The following USP30 variants were observed in gnomAD, a reference collection of about 807,000 sequenced individuals.
The protein encoded by USP30 is ubiquitin carboxyl-terminal hydrolase 30.
A neutral mutation model predicts 68.2 loss-of-function variants in USP30; 41 were observed. The ratio of observed to expected loss-of-function variants is 0.60; its 90% confidence interval spans 0.47 to 0.78. The LOEUF is 0.78. Ranked by LOEUF, USP30 falls within the 30% of genes least tolerant of loss-of-function variation. The pLI is 0.00. For missense variants in USP30, 522 were observed against 649.4 expected, an observed-to-expected ratio of 0.80 and a Z score of 2.13; for synonymous variants, 229 against 253.7, an observed-to-expected ratio of 0.90 and a Z score of 0.93.
At chr12:109,068,981 G>T (rs1203851559) in intron 4 of USP30, among the ~76,000 whole-genome samples, 1 of 152,214 alleles carries the variant, frequency 6.6e-6, no homozygotes, top group Non-Finnish European at 1.5e-5. Flanking sequence ...GATGCATTGG[G>T]CCAAAGGCTT....
intron 3 of USP30, among the ~76,000 whole-genome samples, chr12:109,046,397 G>C (rs2040605296): frequency 6.7e-6 from 1 of 148,800 alleles, no homozygotes; most frequent in Non-Finnish European, 1.5e-5. Context: ...ACGGGCGTGA[G>C]CCATTGCACC....
At chr12:109,036,133 T>C (rs1163636351) in intron 3 of USP30, among the ~76,000 whole-genome samples, 3 of 152,182 alleles carry the variant, frequency 2.0e-5, no homozygotes, top group Non-Finnish European at 4.4e-5. Flanking sequence ...GCACTTAAGC[T>C]TGGGTGATAG....
rs544582315 is a variant in USP30 at position 109,034,118 on chromosome 12, G to A, written c.-136+6562G>A. ...AAAAACAGCTCAACGTGTCTGAGTCGTTGTTTTCAAAGGAATAGTGGTCTT... is the reference window on the plus strand; with the variant it reads ...AAAAACAGCTCAACGTGTCTGAGTCATTGTTTTCAAAGGAATAGTGGTCTT... On this transcript the variant is annotated intron_variant, in intron 3 of 15. Coordinates refer to the USP30 transcript ENST00000392784. 1.2e-3 allele frequency among the ~76,000 whole-genome samples: 185 copies of A among 152,320 alleles called. 3 individuals carry two copies. The South Asian group carries it at 0.022, about 18-fold the overall frequency.
intron 3 of USP30, among the ~76,000 whole-genome samples, chr12:109,061,798 T>C (rs921372482): frequency 6.6e-6 from 1 of 152,200 alleles, no homozygotes; most frequent in Non-Finnish European, 1.5e-5. Flanking sequence ...CAAAGTCCCC[T>C]TTATCAATAC....
At chr12:109,042,686 G>A (rs1024261926) in intron 3 of USP30, among the ~76,000 whole-genome samples, 3 of 152,102 alleles carry the variant, frequency 2.0e-5, no homozygotes, top group Admixed American at 6.6e-5. Flanking sequence ...TCTAAAATCA[G>A]GAACAAGATA....
intron 3 of USP30, among the ~76,000 whole-genome samples, chr12:109,067,261 C>T (rs1458221257): frequency 6.7e-6 from 1 of 149,008 alleles, no homozygotes; most frequent in Admixed American, 6.9e-5. Flanking sequence ...CTACAGGCAC[C>T]CACCACCACG....
rs1566082355 is a variant in USP30, at chr12:109,052,637, C to T, written c.-42C>T. ...TCCCTCGGTCCGGCGGCGGCGGCGG[C>T]GGTAGCGGAGGAGACGGTTTCAGGC... On this transcript the variant is annotated 5_prime_UTR_variant, in exon 1 of 13. Coordinates refer to ENST00000257548, the MANE Select transcript of USP30 (RefSeq NM_032663.5). 16 of 1,449,834 alleles carry T rather than the reference C, an allele frequency of 1.1e-5. No homozygotes were observed. The highest frequency in any genetic ancestry group is 5.4e-5 in the South Asian group (4 of 74,096). The allele number at this position is 1,449,834 out of a possible 1,614,324, so 89.8% of individuals were successfully genotyped here. A position where few individuals can be genotyped will look rare whatever the true frequency, so the allele number is the denominator to read the frequency against.
chr12:109,037,979 GAATATCTGATTCCTC>G (rs981182992), intron 3 of USP30, among the ~76,000 whole-genome samples: 1 of 152,098 alleles, frequency 6.6e-6, no homozygotes, highest in African/African-American at 2.4e-5. Flanking sequence ...CAAAGCCCCT[GAATATCTGATTCCTC>G]AGATTTTCTT....
chr12:109,048,217 C>T (rs1362545452), upstream of USP30, among the ~76,000 whole-genome samples: 1 of 151,778 alleles, frequency 6.6e-6, no homozygotes, highest in African/African-American at 2.4e-5. Context: ...TCCCAAGTAG[C>T]TGGGACTAGA....
At chr12:109,027,159 T>C (rs2040450555) in intron 2 of USP30, among the ~76,000 whole-genome samples, 2 of 152,332 alleles carry the variant, frequency 1.3e-5, no homozygotes, top group African/African-American at 4.8e-5. Context: ...TAATGTTATA[T>C]AACCATCACG....
At chr12:109,028,197 A>G (rs1020229028) in intron 3 of USP30, among the ~76,000 whole-genome samples, 4 of 152,136 alleles carry the variant, frequency 2.6e-5, no homozygotes, top group African/African-American at 7.2e-5. Context: ...CCCCTCACTC[A>G]TTTTTTAATT....
intron 3 of USP30, among the ~76,000 whole-genome samples, chr12:109,038,517 C>A (rs1231626138): frequency 6.6e-6 from 1 of 151,782 alleles, no homozygotes; most frequent in Non-Finnish European, 1.5e-5. Flanking sequence ...TTTTTTGCTG[C>A]AATTGTTATT....
At chr12:109,037,101 A>G (rs1244446361) in intron 3 of USP30, among the ~76,000 whole-genome samples, 1 of 151,856 alleles carries the variant, frequency 6.6e-6, no homozygotes, top group Non-Finnish European at 1.5e-5. Flanking sequence ...CTCTGAGCCT[A>G]TGTTCATTTT....
chr12:109,044,373 C>T (rs1211162415), intron 3 of USP30, among the ~76,000 whole-genome samples: 2 of 152,186 alleles, frequency 1.3e-5, no homozygotes, highest in East Asian at 3.8e-4. Context: ...CATGGTGGCT[C>T]ACGCCTGCGA....
At chr12:109,031,052 G>A (rs1241092487) in intron 3 of USP30, among the ~76,000 whole-genome samples, 1 of 151,776 alleles carries the variant, frequency 6.6e-6, no homozygotes, top group Non-Finnish European at 1.5e-5. Context: ...CAACTCTCCT[G>A]TAAATCCAAA....
At chr12:109,046,161 C>T (rs922841754) in intron 3 of USP30, among the ~76,000 whole-genome samples, 8 of 136,272 alleles carry the variant, frequency 5.9e-5, no homozygotes, top group African/African-American at 2.2e-4. Flanking sequence ...AGTGCAGTGG[C>T]GCGATCTTGG....
At chr12:109,081,537 G>A (rs2041794787) in intron 8 of USP30, 144 bp downstream of exon 8, 4 of 882,702 alleles carry the variant, frequency 4.5e-6, no homozygotes, top group Admixed American at 2.5e-5. Context: ...TTCATATGGT[G>A]GCATGATTAT....
At chr12:109,082,439 A>G in intron 9 of USP30, 1 of 576,926 alleles carries the variant, frequency 1.7e-6, no homozygotes, top group Non-Finnish European at 3.1e-6. Flanking sequence ...GTGTCAGAGC[A>G]TCAGTGTTCG....
chr12:109,077,039 G>C (rs561483058), intron 7 of USP30, among the ~76,000 whole-genome samples: 12 of 152,144 alleles, frequency 7.9e-5, no homozygotes, highest in African/African-American at 2.9e-4. Context: ...GCCAGTGATT[G>C]ATTTTTCTAA....
Sources: allele counts gnomAD v4.1 joint callset (sites outside exome capture counted in the v4.1 genomes callset), GRCh38; gene constraint gnomAD v4.1.1; transcripts MANE v1.5; gene names NCBI Gene and HGNC (gene_info 2026-07-23, HGNC 2026-07-21).